Variants in DSCAML1 observed in about 807,000 individuals in gnomAD.
DSCAML1 encodes the protein cell adhesion molecule DSCAML1.
In DSCAML1, 38 loss-of-function variants were observed where a neutral mutation model predicts 200.5. That is an observed-to-expected ratio of 0.19 (90% confidence interval 0.15 to 0.25). The LOEUF is 0.25. Among genes scored for constraint, DSCAML1 ranks in the 10% least tolerant of loss-of-function variants. The pLI is 1.00. For synonymous variants in DSCAML1, 1,215 were observed against 1,165.0 expected, an observed-to-expected ratio of 1.04 and a Z score of -0.87; for missense variants, 2,223 against 2,858.8, an observed-to-expected ratio of 0.78 and a Z score of 5.07.
At chr11:117,711,574 G>A (rs562090355) in intron 3 of DSCAML1, among the ~76,000 whole-genome samples, 2 of 152,172 alleles carry the variant, frequency 1.3e-5, no homozygotes, top group African/African-American at 2.4e-5. Context: ...TGAGGGACGC[G>A]TCTCCAATTC....
At chr11:117,730,600 T>C (rs143882711) in intron 3 of DSCAML1, among the ~76,000 whole-genome samples, 40 of 152,310 alleles carry the variant, frequency 2.6e-4, no homozygotes, top group African/African-American at 7.9e-4. Flanking sequence ...CCTTATACCC[T>C]GCTGGTGGGA....
At chr11:117,729,277 G>C (rs1172976672) in intron 3 of DSCAML1, among the ~76,000 whole-genome samples, 3 of 152,154 alleles carry the variant, frequency 2.0e-5, no homozygotes, top group Non-Finnish European at 4.4e-5. Flanking sequence ...AACTCAATAT[G>C]TATCAAAGAC....
At chr11:117,794,039 C>T (rs2055527299) in intron 1 of DSCAML1, among the ~76,000 whole-genome samples, 2 of 151,694 alleles carry the variant, frequency 1.3e-5, no homozygotes, top group Non-Finnish European at 2.9e-5. Flanking sequence ...ATTGCCCCCC[C>T]CCCCTTTTTT....
At chr11:117,675,247 A>G (rs1464650023) in intron 3 of DSCAML1, among the ~76,000 whole-genome samples, 33 of 152,226 alleles carry the variant, frequency 2.2e-4, no homozygotes, top group Admixed American at 2.0e-3. Context: ...ACACACACAC[A>G]GACAATACCA....
intron 3 of DSCAML1, among the ~76,000 whole-genome samples, chr11:117,632,295 G>A (rs1294586970): frequency 4.6e-5 from 7 of 152,176 alleles, no homozygotes; most frequent in East Asian, 1.9e-4. Context: ...ACCACTTCTC[G>A]AGAGAGGCCA....
upstream of DSCAML1, among the ~76,000 whole-genome samples, chr11:117,799,922 C>T (rs2055641695): frequency 6.6e-6 from 1 of 152,196 alleles, no homozygotes; most frequent in Non-Finnish European, 1.5e-5. Flanking sequence ...GGGAACAGCT[C>T]CACTGGGGGA....
At chr11:117,525,125 T>A in intron 4 of DSCAML1, 42 bp from the exon 5 acceptor site, 1 of 1,482,968 alleles carries the variant, frequency 6.7e-7, no homozygotes, top group Non-Finnish European at 8.9e-7. Flanking sequence ...CAGCCCTGGG[T>A]GGGATGAAGT....
chr11:117,787,755 T>A (rs1248136851), intron 1 of DSCAML1, among the ~76,000 whole-genome samples: 1 of 152,222 alleles, frequency 6.6e-6, no homozygotes, highest in African/African-American at 2.4e-5. Context: ...CAACAGAGCA[T>A]TGCAGTAGCC....
intron 3 of DSCAML1, among the ~76,000 whole-genome samples, 189 bp downstream of exon 3, chr11:117,776,602 G>C (rs1197666418): frequency 6.6e-6 from 1 of 151,916 alleles, no homozygotes; most frequent in African/African-American, 2.4e-5. Context: ...ACCCCACAGA[G>C]AGACGTGCCA....
chr11:117,436,973 C>T (rs2047930113), intron 26 of DSCAML1, 149 bp downstream of exon 26: 2 of 1,152,710 alleles, frequency 1.7e-6, no homozygotes, highest in African/African-American at 1.6e-5. Flanking sequence ...CTTTGTCAGC[C>T]CCTTCACCTG....
intron 3 of DSCAML1, among the ~76,000 whole-genome samples, chr11:117,653,092 A>C (rs1008119641): frequency 3.9e-5 from 6 of 152,074 alleles, no homozygotes; most frequent in Admixed American, 2.0e-4. Context: ...GCCCCTCCCC[A>C]ACTTAGGACA....
chr11:117,659,205 T>C (rs1400902377), intron 3 of DSCAML1, among the ~76,000 whole-genome samples: 1 of 152,186 alleles, frequency 6.6e-6, no homozygotes, highest in Non-Finnish European at 1.5e-5. Context: ...GCTTAATTTA[T>C]TTTCCCCTTG....
At chr11:117,729,623 A>T (rs1355219521) in intron 3 of DSCAML1, among the ~76,000 whole-genome samples, 3 of 152,264 alleles carry the variant, frequency 2.0e-5, no homozygotes, top group Non-Finnish European at 4.4e-5. Context: ...CTTTATATCT[A>T]AGAAAATATA....
At chr11:117,759,291 G>C (rs1215594133) in intron 3 of DSCAML1, among the ~76,000 whole-genome samples, 1 of 152,204 alleles carries the variant, frequency 6.6e-6, no homozygotes, top group Non-Finnish European at 1.5e-5. Flanking sequence ...GGGTGTGTAA[G>C]AGGGAGGGGG....
At chr11:117,549,842 C>T (rs1030430831) in intron 3 of DSCAML1, among the ~76,000 whole-genome samples, 17 of 152,134 alleles carry the variant, frequency 1.1e-4, no homozygotes, top group Admixed American at 5.9e-4. Flanking sequence ...ACAGGCTAAT[C>T]GGCGTGACTG....
chr11:117,813,340 A>G lies in DSCAML1; in HGVS notation c.-250+4050T>C, dbSNP rs577523754. Among the ~76,000 whole-genome samples the G allele has an allele frequency of 3.9e-3, 598 of 152,240 alleles. 5 individuals are homozygous for G. The highest frequency in any genetic ancestry group is 5.5e-3 in the Non-Finnish European group (377 of 68,016). ...CCCCAAAAAACTTGTCATCCCTACT[A>G]TCTTCTGTCTAGTCATACTCCTATT... is the stretch of plus-strand genomic sequence containing the variant. On this transcript the variant is annotated intron_variant, in intron 1 of 2. Transcript: ENST00000525836.
rs759259919 is a variant in DSCAML1, at chr11:117,437,015, C to A, written c.4720+107G>T. 81 of 1,433,460 alleles carry A rather than the reference C, an allele frequency of 5.7e-5. No homozygotes were observed. The highest frequency in any genetic ancestry group is 7.1e-5 in the Non-Finnish European group (76 of 1,071,196). The allele number at this position is 1,433,460 out of a possible 1,614,324, so 88.8% of individuals were successfully genotyped here. ...AGCATTTCCCCCACCTGCATTCCTG[C>A]CTGTTTTTCTATTAGTCTGTCTCTT... On this transcript the variant is annotated intron_variant, in intron 26 of 32. Coordinates refer to ENST00000651296, the MANE Select transcript of DSCAML1 (RefSeq NM_020693.4). This position sits in a 1 kb window ranked among gnomAD's most constrained non-coding sequence, Gnocchi z 5.3.
intron 4 of DSCAML1, among the ~76,000 whole-genome samples, chr11:117,529,753 C>T (rs1486112527): frequency 2.6e-5 from 4 of 151,874 alleles, no homozygotes; most frequent in South Asian, 2.1e-4. Flanking sequence ...AGCGGACACT[C>T]GTGCCTGCCT....
intron 14 of DSCAML1, among the ~76,000 whole-genome samples, chr11:117,477,186 A>G (rs1414288718): frequency 8.8e-6 from 1 of 113,582 alleles, no homozygotes; most frequent in African/African-American, 3.3e-5. Context: ...CAGGTGCAGG[A>G]AGCTGTCCTT....
Sources: gnomAD v4.1 joint callset for allele counts (sites outside exome capture counted in the v4.1 genomes callset) on GRCh38, gnomAD v4.1.1 for gene constraint, Gnocchi (gnomAD v3.1) non-coding constraint, MANE v1.5 for transcripts, NCBI Gene and HGNC (gene_info 2026-07-23, HGNC 2026-07-21) for gene names.